Variants in ATOH8 observed in about 807,000 individuals in gnomAD.
ATOH8 encodes the protein atonal bHLH transcription factor 8.
A neutral mutation model predicts 21.2 loss-of-function variants in ATOH8; 9 were observed. The observed-to-expected ratio is 0.42, with a 90% CI of 0.26 to 0.74. ATOH8 has a LOEUF of 0.74. Among genes scored for constraint, ATOH8 ranks in the 30% least tolerant of loss-of-function variants. The pLI is 0.24. For missense variants in ATOH8, 524 were observed against 470.9 expected, an observed-to-expected ratio of 1.11 and a Z score of -1.04; for synonymous variants, 253 against 224.0, an observed-to-expected ratio of 1.13 and a Z score of -1.16.
chr2:85,781,888 AAAAT>A (rs1680506572), intron 2 of ATOH8, among the ~76,000 whole-genome samples: 1 of 57,002 alleles, frequency 1.8e-5, no homozygotes, highest in East Asian at 2.6e-4. Context: ...AAAAAAATAA[AAAAT>A]AAATAAAAAT....
At chr2:85,781,242 G>A (rs1213916994) in intron 2 of ATOH8, 1 of 247,926 alleles carries the variant, frequency 4.0e-6, no homozygotes, top group Admixed American at 6.5e-5. Flanking sequence ...GCTCTCCGTG[G>A]AGAGATTAAG....
At position 85,754,215 on chromosome 2, in the gene ATOH8, A is replaced by T; in HGVS notation, c.26A>T (p.Asp9Val). 14 of 1,599,232 alleles carry T rather than the reference A, an allele frequency of 8.8e-6. No homozygotes were observed. The highest frequency in any genetic ancestry group is 1.2e-5 in the Non-Finnish European group (14 of 1,174,508). The change falls in exon 1 of 3, where the codon GAC (aspartate) becomes GTC (valine). Residue 9 changes from aspartate (D) to valine (V), a missense_variant. By Grantham distance (152) the Asp-to-Val change is radical. Transcript: ENST00000306279. MKHIPVLE[D>V]GPWKTVCVKE... ...ATGAAGCACATCCCGGTCCTCGAGG[A>T]CGGGCCGTGGAAGACCGTGTGCGTG...
Position 85,790,303 on chromosome 2 carries a change from C to T in ATOH8, c.*3413C>T, listed in dbSNP as rs1489942040. ...CTGGGTATGTCTGCATGAAGCCCCA[C>T]GTGTGCACACCCATCTTCATGTGTG... is the stretch of plus-strand genomic sequence containing the variant. On this transcript the variant is annotated 3_prime_UTR_variant, in exon 3 of 3. Coordinates refer to ENST00000306279, the MANE Select transcript of ATOH8 (RefSeq NM_032827.7). Among the ~76,000 whole-genome samples, 4 of 152,158 alleles carry T rather than the reference C, an allele frequency of 2.6e-5. No homozygotes were observed. Among genetic ancestry groups the T allele is most frequent in the African/African-American group, 7.2e-5 (3 of 41,418 alleles).
At chr2:85,775,058 A>C (rs1680285603) in intron 2 of ATOH8, 1 of 978,618 alleles carries the variant, frequency 1.0e-6, no homozygotes, top group African/African-American at 1.8e-5. Context: ...GACAATATGA[A>C]ACTCTATTAT....
chr2:85,754,573 G>A lies in ATOH8; in HGVS notation c.384G>A (p.Pro128=). 2.1e-6 allele frequency: 3 copies of A among 1,436,816 alleles called. No homozygotes were observed. The highest frequency in any genetic ancestry group is 2.7e-6 in the Non-Finnish European group (3 of 1,106,530). The allele number at this position is 1,436,816 out of a possible 1,614,324, so 89.0% of individuals were successfully genotyped here. A position where few individuals can be genotyped will look rare whatever the true frequency, so the allele number is the denominator to read the frequency against. ...GACTCCCCACGCCGCCGCCGCCGCC[G>A]CCTCCTGCGCCCCAGAGCCAGGCAC... ...GPGLPTPPPP[P]PPAPQSQAPG... is the part of the protein sequence containing the mutation. The change falls in exon 1 of 3, where the codon CCG becomes CCA. Residue 128 remains proline (P), a synonymous_variant. Transcript: ENST00000306279.
At chr2:85,769,605 G>A (rs547712141) in intron 2 of ATOH8, among the ~76,000 whole-genome samples, 1 of 152,320 alleles carries the variant, frequency 6.6e-6, no homozygotes, top group Non-Finnish European at 1.5e-5. Context: ...GAACGTCTTG[G>A]GTGCAGACCC....
rs1680755448 is a variant in ATOH8 at position 85,791,018 on chromosome 2, C to T, written c.*4128C>T. Among the ~76,000 whole-genome samples, 1 of 152,234 alleles carries T rather than the reference C, an allele frequency of 6.6e-6. No individual in the cohort carries two copies. The highest frequency in any genetic ancestry group is 1.5e-5 in the Non-Finnish European group (1 of 68,048). ...TGCTGCCCTGCCACCTTCACAGCTG[C>T]TTTCTGTTTCCTGGTTCCAGGAAGA... is the stretch of plus-strand genomic sequence containing the variant. On this transcript the variant is annotated 3_prime_UTR_variant, in exon 3 of 3. Coordinates refer to ENST00000306279, the MANE Select transcript of ATOH8 (RefSeq NM_032827.7).
intron 2 of ATOH8, chr2:85,774,130 C>A (rs1363852156): frequency 2.0e-6 from 2 of 985,358 alleles, no homozygotes; most frequent in African/African-American, 3.5e-5. Flanking sequence ...GCTCTCCCTC[C>A]CATGTCTCCT....
At chr2:85,756,170 CAGTGA>C (rs1243230353) in intron 1 of ATOH8, among the ~76,000 whole-genome samples, 2 of 25,064 alleles carry the variant, frequency 8.0e-5, no homozygotes, top group African/African-American at 3.6e-4. Flanking sequence ...GGAAAGTGGT[CAGTGA>C]GGTGGGGTGG....
intron 2 of ATOH8, among the ~76,000 whole-genome samples, chr2:85,765,725 G>C (rs1478814950): frequency 1.3e-5 from 2 of 152,206 alleles, no homozygotes. Context: ...CTTCACCCAG[G>C]GAAGGCAGAA....
chr2:85,787,136 C>T lies in ATOH8; in HGVS notation c.*246C>T, dbSNP rs755417172. 35 of 547,128 alleles carry T rather than the reference C, an allele frequency of 6.4e-5. No individual in the cohort carries two copies. Among genetic ancestry groups the T allele is most frequent in the African/African-American group, 2.3e-4 (12 of 52,532 alleles). 33.9% of individuals were successfully genotyped at this position (547,128 alleles called of 1,614,324 possible). On this transcript the variant is annotated 3_prime_UTR_variant, in exon 3 of 3. Transcript: ENST00000306279. ...GGTGGGGAGGGGAGAGCTCAGCCCC[C>T]GACTCACTCAGACCCCAAGGCCCAC...
chr2:85,764,004 C>T lies in ATOH8; in HGVS notation c.782C>T (p.Ser261Leu). 1.9e-6 allele frequency: 3 copies of T among 1,613,998 alleles called. No individual in the cohort carries two copies. Among genetic ancestry groups the T allele is most frequent in the Non-Finnish European group, 2.5e-6 (3 of 1,179,996 alleles). The change falls in exon 2 of 3, where the codon TCA becomes TTA. Residue 261 changes from serine to leucine, a missense_variant. Coordinates refer to ENST00000306279, the MANE Select transcript of ATOH8 (RefSeq NM_032827.7). ...TTCTCCCCTCAGGTGCCGTGCTACT[C>T]ATATGGGCAGAAGCTGTCCAAACTG... is the stretch of plus-strand genomic sequence containing the variant. The part of the protein sequence containing the change: ...EALRKQVPCY[S>L]YGQKLSKLAI...
chr2:85,763,697 T>C (rs1679927158), intron 1 of ATOH8, among the ~76,000 whole-genome samples: 1 of 152,084 alleles, frequency 6.6e-6, no homozygotes, highest in Non-Finnish European at 1.5e-5. Context: ...AGGACAGAGC[T>C]CTGTAGTGGT....
chr2:85,783,201 A>G (rs1680541001), intron 2 of ATOH8, among the ~76,000 whole-genome samples: 2 of 152,230 alleles, frequency 1.3e-5, no homozygotes, highest in Non-Finnish European at 2.9e-5. Context: ...ACGTCAGAGC[A>G]GCTGAGAGGG....
rs749012044 is a variant in ATOH8, at chr2:85,754,746, G to A, written c.557G>A (p.Arg186His). The change falls in exon 1 of 3, where the codon CGC becomes CAC. Residue 186 changes from arginine (R) to histidine (H), a missense_variant. Coordinates refer to ENST00000306279, the MANE Select transcript of ATOH8 (RefSeq NM_032827.7). ...ACTGTGCGCCCTGCGCCCCCGACGCGCCCCGGGGAAAGTTCCTACTCGTCA... is the reference window on the plus strand; with the variant it reads ...ACTGTGCGCCCTGCGCCCCCGACGCACCCCGGGGAAAGTTCCTACTCGTCA... ...ESTVRPAPPT[R>H]PGESSYSSIS... is the part of the protein sequence containing the mutation. 2 of 1,612,752 alleles carry A rather than the reference G, an allele frequency of 1.2e-6. No individual in the cohort carries two copies. The highest frequency in any genetic ancestry group is 2.2e-5 in the South Asian group (2 of 91,084).
chr2:85,784,019 T>C (rs1161933010), intron 2 of ATOH8, among the ~76,000 whole-genome samples: 1 of 152,146 alleles, frequency 6.6e-6, no homozygotes, highest in Non-Finnish European at 1.5e-5. Flanking sequence ...ACCAGGCCAG[T>C]CAGTAGTCAG....
At chr2:85,777,321 A>G (rs549560359) in intron 2 of ATOH8, among the ~76,000 whole-genome samples, 9 of 152,318 alleles carry the variant, frequency 5.9e-5, no homozygotes, top group Admixed American at 5.2e-4. Flanking sequence ...ACCTCAGAAC[A>G]AAAACAGCCT....
chr2:85,764,303 G>A, intron 2 of ATOH8, 121 bp downstream of exon 2: 2 of 1,294,332 alleles, frequency 1.5e-6, no homozygotes, highest in Non-Finnish European at 2.1e-6. Flanking sequence ...AGCTCTTGGA[G>A]GTTTGCTGGG....
chr2:85,768,811 T>C (rs1268684055), intron 2 of ATOH8, among the ~76,000 whole-genome samples: 1 of 152,224 alleles, frequency 6.6e-6, no homozygotes, highest in African/African-American at 2.4e-5. Flanking sequence ...AATCCTCCCC[T>C]TCTGGGCCTC....
Sources: gnomAD v4.1 joint callset for allele counts (sites outside exome capture counted in the v4.1 genomes callset) on GRCh38, gnomAD v4.1.1 for gene constraint, MANE v1.5 for transcripts, NCBI Gene and HGNC (gene_info 2026-07-23, HGNC 2026-07-21) for gene names.